The following KDM3B variants were observed in gnomAD, a reference collection of about 807,000 sequenced individuals.
KDM3B encodes lysine-specific demethylase 3B.
KDM3B carries 10 observed loss-of-function variants against 170.0 expected under a neutral mutation model. That is an observed-to-expected ratio of 0.06 (90% CI 0.04 to 0.10). The LOEUF is 0.10. Ranked by LOEUF, KDM3B falls within the 10% of genes least tolerant of loss-of-function variation. KDM3B has a pLI of 1.00. For synonymous variants in KDM3B, 831 were observed against 834.8 expected, an observed-to-expected ratio of 1.00 and a Z score of 0.08; for missense variants, 1,394 against 2,195.2, an observed-to-expected ratio of 0.64 and a Z score of 7.29.
In KDM3B at chr5:138,435,906, G is replaced by A; in HGVS notation, c.*206G>A. On this transcript the variant is annotated 3_prime_UTR_variant, in exon 24 of 24. Coordinates refer to ENST00000314358, the MANE Select transcript of KDM3B (RefSeq NM_016604.4). ...GTCGTACTGTTCACACACACAGTTTGAGACTCCAAGCCAAGAGTGCCACAT... is the reference window on the plus strand; with the variant it reads ...GTCGTACTGTTCACACACACAGTTTAAGACTCCAAGCCAAGAGTGCCACAT... 1.8e-6 allele frequency: 1 copy of A among 552,708 alleles called. No individual in the cohort carries two copies. The highest frequency in any genetic ancestry group is 3.2e-6 in the Non-Finnish European group (1 of 309,750). 34.2% of individuals were successfully genotyped at this position (552,708 alleles called of 1,614,324 possible).
Position 138,372,662 on chromosome 5 carries a change from T to A in KDM3B, c.193-12T>A. 2 of 1,607,160 alleles carry A rather than the reference T, an allele frequency of 1.2e-6. No individual in the cohort carries two copies. The highest frequency in any genetic ancestry group is 1.7e-6 in the Non-Finnish European group (2 of 1,175,470). On this transcript the variant is annotated splice_polypyrimidine_tract_variant and intron_variant, in intron 1 of 23. Transcript: ENST00000314358. The stretch of plus-strand genomic sequence containing the variant: ...CAAGTGTGACTTCCAAACTGCTTTT[T>A]ATCTCTTGCAGATCTTTGTAGAATT...
At chr5:138,370,070 C>T (rs1761836327) in intron 1 of KDM3B, among the ~76,000 whole-genome samples, 1 of 152,196 alleles carries the variant, frequency 6.6e-6, no homozygotes, top group Admixed American at 6.5e-5. Context: ...TCTCTCTTTC[C>T]AGTTGCTTGT....
chr5:138,433,236 C>T lies in KDM3B; in HGVS notation c.5205+1677C>T, dbSNP rs192224140. 1.1e-3 allele frequency among the ~76,000 whole-genome samples: 171 copies of T among 151,740 alleles called. 1 individual carries two copies. The highest frequency in any genetic ancestry group is 3.9e-3 in the African/African-American group (161 of 41,392). On this transcript the variant is annotated intron_variant, in intron 23 of 23. Coordinates refer to ENST00000314358, the MANE Select transcript of KDM3B (RefSeq NM_016604.4). ...AAGCAATTCTCCTGCCTCAGCCTCT[C>T]GAGTAGCTGGGATTACAGGCACCTG...
At chr5:138,418,557 A>C (rs1002713657) in intron 13 of KDM3B, among the ~76,000 whole-genome samples, 1 of 152,262 alleles carries the variant, frequency 6.6e-6, no homozygotes, top group Non-Finnish European at 1.5e-5. Context: ...CAAATTATTT[A>C]GAAAAATCAG....
chr5:138,428,940 C>CTTTTTT (rs397884825), intron 20 of KDM3B, among the ~76,000 whole-genome samples: 33 of 101,202 alleles, frequency 3.3e-4, no homozygotes, highest in Admixed American at 4.4e-4. Context: ...GGGATAATTT[C>CTTTTTT]TTTTTTTTTT....
At chr5:138,398,890 T>TC (rs1277499322) in intron 10 of KDM3B, among the ~76,000 whole-genome samples, 2 of 146,882 alleles carry the variant, frequency 1.4e-5, no homozygotes, top group East Asian at 2.0e-4. Context: ...TAAATTTCTT[T>TC]TTTTTTTTTT....
chr5:138,363,260 G>T (rs755063873), intron 1 of KDM3B, among the ~76,000 whole-genome samples: 142 of 152,158 alleles, frequency 9.3e-4, no homozygotes, highest in Admixed American at 1.6e-3. Flanking sequence ...GCCCCTATTA[G>T]GCTGATGTTC....
At chr5:138,435,243 C>T (rs1038052180) in intron 23 of KDM3B, among the ~76,000 whole-genome samples, 1 of 152,158 alleles carries the variant, frequency 6.6e-6, no homozygotes, top group Non-Finnish European at 1.5e-5. Flanking sequence ...AAACAAAGTT[C>T]TCCAGGTGTT....
At chr5:138,431,378 G>C (rs1763528315) in intron 22 of KDM3B, 47 bp from the exon 23 acceptor site, 1 of 1,446,244 alleles carries the variant, frequency 6.9e-7, no homozygotes, top group Non-Finnish European at 9.3e-7. Context: ...ATATGTTATT[G>C]AATCTCTAAT....
chr5:138,393,141 C>T, intron 8 of KDM3B, 30 bp from the exon 9 acceptor site: 1 of 1,608,278 alleles, frequency 6.2e-7, no homozygotes, highest in Non-Finnish European at 8.5e-7. Context: ...CACCTCATGA[C>T]AAACTTTTCT....
Position 138,419,018 on chromosome 5 carries a change from G to C in KDM3B, c.3501G>C (p.Pro1167=). Residue 1167 remains proline, a synonymous_variant, in exon 14 of 24, where the codon CCG becomes CCC. Transcript: ENST00000314358. ...NETTFSGGGG[P]APVTTPEPDH... ...CTACCTTCTCTGGTGGAGGAGGACC[G>C]GCACCAGTAACAACTCCAGAGCCGG... 1 of 1,614,110 alleles carries C rather than the reference G, an allele frequency of 6.2e-7. No individual in the cohort carries two copies. The highest frequency in any genetic ancestry group is 1.6e-4 in the Middle Eastern group (1 of 6,062).
At chr5:138,426,703 C>A in intron 17 of KDM3B, 2 of 338,914 alleles carry the variant, frequency 5.9e-6, no homozygotes, top group South Asian at 6.0e-5. Flanking sequence ...CCAGCCTGGC[C>A]AACATGGCAA....
chr5:138,414,154 G>A lies in KDM3B; in HGVS notation c.3200-978G>A, dbSNP rs1192343152. ...TGCTTCCATTTTATATGACATTTTT[G>A]AAAGGCAAAACTTATTATTATTTTT... On this transcript the variant is annotated intron_variant, in intron 11 of 23. Transcript: ENST00000314358. 6.6e-5 allele frequency among the ~76,000 whole-genome samples: 10 copies of A among 152,016 alleles called. No individual in the cohort carries two copies. The East Asian group carries it at 1.9e-3, about 29-fold the overall frequency.
chr5:138,367,952 G>T (rs1761782718), intron 1 of KDM3B, among the ~76,000 whole-genome samples: 1 of 151,884 alleles, frequency 6.6e-6, no homozygotes, highest in South Asian at 2.1e-4. Context: ...GGTGGAGGTT[G>T]CAGTGAGCCG....
chr5:138,394,491 TGA>T (rs1762504156), intron 9 of KDM3B, among the ~76,000 whole-genome samples: 2 of 152,174 alleles, frequency 1.3e-5, no homozygotes, highest in Admixed American at 1.3e-4. Flanking sequence ...CAGGATGATC[TGA>T]GAAAGTGAGA....
At chr5:138,423,211 G>T (rs567927779) in intron 15 of KDM3B, among the ~76,000 whole-genome samples, 12 of 152,212 alleles carry the variant, frequency 7.9e-5, no homozygotes, top group Non-Finnish European at 1.8e-4. Context: ...CTCCCAAAGT[G>T]CTGGGATTAA....
At chr5:138,402,167 T>G (rs1762710132) in intron 11 of KDM3B, among the ~76,000 whole-genome samples, 1 of 152,152 alleles carries the variant, frequency 6.6e-6, no homozygotes, top group Non-Finnish European at 1.5e-5. Flanking sequence ...CAAGTGATCC[T>G]CCTGCCTTGG....
At position 138,419,124 on chromosome 5, in the gene KDM3B, A is replaced by G. The variant is rs762024776; in HGVS notation, c.3607A>G (p.Ser1203Gly). Reference sequence around the variant, plus strand: ...AGACAGTTCGGCATCAAATAGCAATAGTGAACTGAAAGCCATCAGGCCTCC... The same window carrying G: ...AGACAGTTCGGCATCAAATAGCAATGGTGAACTGAAAGCCATCAGGCCTCC... Reference protein sequence around the residue: ...KTDSSASNSNSELKAIRPPCP... With the variant: ...KTDSSASNSNGELKAIRPPCP... The change falls in exon 14 of 24, where the codon AGT becomes GGT. Residue 1203 changes from serine to glycine, a missense_variant. Ser to Gly is a moderately conservative substitution (Grantham distance 56). Around this residue, in one of 19 missense-constraint regions of KDM3B, gnomAD observed 87 missense variants for 83.3 expected, o/e 1.04. Coordinates refer to ENST00000314358, the MANE Select transcript of KDM3B (RefSeq NM_016604.4). 1 of 1,614,238 alleles carries G rather than the reference A, an allele frequency of 6.2e-7. No homozygotes were observed. The highest frequency in any genetic ancestry group is 1.1e-5 in the South Asian group (1 of 91,088).
chr5:138,375,354 TTTTTA>T lies in KDM3B; in HGVS notation c.474+167_474+171del, dbSNP rs368616385. The stretch of plus-strand genomic sequence containing the variant: ...TTCCTCCAATAAATATGCTGTGCCT[TTTTTA>T]TTTTATTTTATTTTATTTATTTATT... On this transcript the variant is annotated intron_variant, in intron 3 of 23. Transcript: ENST00000314358. 2,194 of 355,834 alleles carry T rather than the reference TTTTTA, an allele frequency of 6.2e-3. 89 individuals are homozygous for T. Among genetic ancestry groups the T allele is most frequent in the Admixed American group, 0.053 (1,125 of 21,130 alleles). 22.0% of individuals were successfully genotyped at this position (355,834 alleles called of 1,614,324 possible). A position where few individuals can be genotyped will look rare whatever the true frequency, so the allele number is the denominator to read the frequency against.
Sources: allele counts gnomAD v4.1 joint callset (sites outside exome capture counted in the v4.1 genomes callset), GRCh38; gene constraint gnomAD v4.1.1; regional missense constraint gnomAD v4.1.1; transcripts MANE v1.5; gene names NCBI Gene and HGNC (gene_info 2026-07-23, HGNC 2026-07-21).